Variants in RAB3B observed in about 807,000 individuals in gnomAD.
The protein encoded by RAB3B is RAB3B, member RAS oncogene family.
A neutral mutation model predicts 20.5 loss-of-function variants in RAB3B; 11 were observed. The ratio of observed to expected loss-of-function variants is 0.54; its 90% CI spans 0.34 to 0.89. The LOEUF (loss-of-function observed/expected upper bound fraction) is 0.89. RAB3B is among the 40% of genes least tolerant of loss of function. The pLI, the probability that RAB3B is intolerant of heterozygous loss-of-function variation, is 0.02. For synonymous variants in RAB3B, 99 were observed against 106.3 expected (o/e 0.93, Z 0.42); for missense variants, 225 against 280.9 (o/e 0.80, Z 1.42).
intron 1 of RAB3B, among the ~76,000 whole-genome samples, chr1:51,981,985 T>C (rs1469262332): frequency 6.6e-6 from 1 of 152,178 alleles, no homozygotes; most frequent in Non-Finnish European, 1.5e-5. Context: ...CTTTTTCTAT[T>C]TATATTTAAT....
At position 51,917,282 on chromosome 1, in the gene RAB3B, T is replaced by A. The variant is rs1380799584; in HGVS notation, c.*2645A>T. 1 of 152,110 alleles carries A rather than the reference T, an allele frequency of 6.6e-6. No individual in the cohort carries two copies. Among genetic ancestry groups the A allele is most frequent in the African/African-American group, 2.4e-5 (1 of 41,420 alleles). The allele number at this position is 152,110 out of a possible 1,614,324, so 9.4% of individuals were successfully genotyped here. ...GATGCCAATCCTGATCTCTCAGGTTTGTTTGGTGGATCAACTGAAATGGTG... is the reference window on the plus strand; with the variant it reads ...GATGCCAATCCTGATCTCTCAGGTTAGTTTGGTGGATCAACTGAAATGGTG... On this transcript the variant is annotated 3_prime_UTR_variant, in exon 5 of 5. Transcript: ENST00000371655.
At chr1:51,980,746 C>T (rs1367186661) in intron 1 of RAB3B, 4 of 755,196 alleles carry the variant, frequency 5.3e-6, no homozygotes, top group Non-Finnish European at 9.7e-6. Flanking sequence ...TCATGAAGCC[C>T]GCAAGGACCA....
intron 1 of RAB3B, among the ~76,000 whole-genome samples, chr1:51,989,757 A>G (rs1007511466): frequency 6.6e-5 from 10 of 151,068 alleles, no homozygotes; most frequent in African/African-American, 2.4e-4. Flanking sequence ...GGTAGACCCA[A>G]CCTGGCCTCT....
In RAB3B at chr1:51,911,913, C is replaced by T. The variant is rs1055288438; in HGVS notation, c.*8014G>A. On this transcript the variant is annotated 3_prime_UTR_variant, in exon 5 of 5. Transcript: ENST00000371655. Reference sequence around the variant, plus strand: ...TTTGGGTTAGGGAGTAGTAGTACTACTAAAGAAGAGATTACTATTTCTGGA... The same window carrying T: ...TTTGGGTTAGGGAGTAGTAGTACTATTAAAGAAGAGATTACTATTTCTGGA... 1 of 151,824 alleles carries T rather than the reference C, an allele frequency of 6.6e-6. No homozygotes were observed. Among genetic ancestry groups the T allele is most frequent in the African/African-American group, 2.4e-5 (1 of 41,236 alleles). 9.4% of individuals were successfully genotyped at this position (151,824 alleles called of 1,614,324 possible).
chr1:51,975,106 T>TG (rs1372038478), intron 2 of RAB3B, among the ~76,000 whole-genome samples: 2 of 152,022 alleles, frequency 1.3e-5, no homozygotes, highest in Admixed American at 6.6e-5. Context: ...TGAAGCTACT[T>TG]GGGGGGCTGA....
intron 2 of RAB3B, among the ~76,000 whole-genome samples, chr1:51,968,187 A>G (rs1684882363): frequency 6.6e-6 from 1 of 152,190 alleles, no homozygotes; most frequent in African/African-American, 2.4e-5. Context: ...GACTGAAACC[A>G]GCCAACAAAT....
intron 2 of RAB3B, among the ~76,000 whole-genome samples, chr1:51,947,145 C>G (rs1684575923): frequency 6.6e-6 from 1 of 152,168 alleles, no homozygotes; most frequent in Non-Finnish European, 1.5e-5. Context: ...CCAGTAATCC[C>G]AGCACTTTGG....
chr1:51,935,632 G>A (rs1684388265), intron 3 of RAB3B, among the ~76,000 whole-genome samples: 2 of 152,130 alleles, frequency 1.3e-5, no homozygotes, highest in Admixed American at 1.3e-4. Flanking sequence ...TGTTCCTGAG[G>A]CAGAATGAAC....
At chr1:51,970,006 G>A (rs912706432) in intron 2 of RAB3B, among the ~76,000 whole-genome samples, 1 of 151,556 alleles carries the variant, frequency 6.6e-6, no homozygotes, top group African/African-American at 2.4e-5. Context: ...GGAGGCAGAG[G>A]TTCCAGTGAC....
chr1:51,961,243 T>TC (rs1224833884), intron 2 of RAB3B, among the ~76,000 whole-genome samples: 2 of 151,862 alleles, frequency 1.3e-5, no homozygotes, highest in Non-Finnish European at 2.9e-5. Context: ...CCCATTAGAC[T>TC]CCCCTGTGAA....
At position 51,919,678 on chromosome 1, in the gene RAB3B, A is replaced by G; in HGVS notation, c.*249T>C. 1 of 385,136 alleles carries G rather than the reference A, an allele frequency of 2.6e-6. No homozygotes were observed. Among genetic ancestry groups the G allele is most frequent in the South Asian group, 1.0e-4 (1 of 9,956 alleles). 23.9% of individuals were successfully genotyped at this position (385,136 alleles called of 1,614,324 possible). A position where few individuals can be genotyped will look rare whatever the true frequency, so the allele number is the denominator to read the frequency against. On this transcript the variant is annotated 3_prime_UTR_variant, in exon 5 of 5. Coordinates refer to ENST00000371655, the MANE Select transcript of RAB3B (RefSeq NM_002867.4). ...GTAGTGAATCCCCTTCGTAAAACAGAGTCTTCTTTTGTAAAGTGATTCTGC... is the reference window on the plus strand; with the variant it reads ...GTAGTGAATCCCCTTCGTAAAACAGGGTCTTCTTTTGTAAAGTGATTCTGC...
At position 51,912,989 on chromosome 1, in the gene RAB3B, G is replaced by C. The variant is rs898938782; in HGVS notation, c.*6938C>G. 2 of 152,060 alleles carry C rather than the reference G, an allele frequency of 1.3e-5. No homozygotes were observed. The highest frequency in any genetic ancestry group is 2.4e-5 in the African/African-American group (1 of 41,392). The allele number at this position is 152,060 out of a possible 1,614,324, so 9.4% of individuals were successfully genotyped here. ...TCAAAGACTTGGCATCTAAAGCCTC[G>C]GGACTAGACGAGTACATCAAAGAAG... is the stretch of plus-strand genomic sequence containing the variant. On this transcript the variant is annotated 3_prime_UTR_variant, in exon 5 of 5. Coordinates refer to ENST00000371655, the MANE Select transcript of RAB3B (RefSeq NM_002867.4).
At chr1:51,932,159 C>T (rs1684335939) in intron 4 of RAB3B, among the ~76,000 whole-genome samples, 2 of 152,102 alleles carry the variant, frequency 1.3e-5, no homozygotes, top group African/African-American at 2.4e-5. Context: ...ACTCATAATA[C>T]AAATATATAA....
At chr1:51,956,592 C>T (rs1684709608) in intron 2 of RAB3B, among the ~76,000 whole-genome samples, 1 of 152,210 alleles carries the variant, frequency 6.6e-6, no homozygotes, top group Admixed American at 6.5e-5. Flanking sequence ...CCATAGGCCC[C>T]AAACATTGTG....
rs184495275 is a variant in RAB3B, at chr1:51,912,878, T to C, written c.*7049A>G. 1 of 152,102 alleles carries C rather than the reference T, an allele frequency of 6.6e-6. No individual in the cohort carries two copies. Among genetic ancestry groups the C allele is most frequent in the African/African-American group, 2.4e-5 (1 of 41,486 alleles). 9.4% of individuals were successfully genotyped at this position (152,102 alleles called of 1,614,324 possible). On this transcript the variant is annotated 3_prime_UTR_variant, in exon 5 of 5. Transcript: ENST00000371655. ...TGTGAAGACTGGGGTTCAAACAAGT[T>C]TGGGGGCAGAATCAAGAGTTTCAAT...
intron 2 of RAB3B, among the ~76,000 whole-genome samples, chr1:51,940,404 T>G (rs138906276): frequency 3.3e-5 from 5 of 152,050 alleles, no homozygotes; most frequent in African/African-American, 1.2e-4. Flanking sequence ...AGGTAGATCA[T>G]TTGAAGTCAG....
Position 51,916,817 on chromosome 1 carries a change from G to A in RAB3B, c.*3110C>T, listed in dbSNP as rs1222036204. Reference sequence around the variant, plus strand: ...CCTGAGCATTAGACATCCATCACCTGGGATTAGTCTGAGTAGTTGAGCAAT... The same window carrying A: ...CCTGAGCATTAGACATCCATCACCTAGGATTAGTCTGAGTAGTTGAGCAAT... On this transcript the variant is annotated 3_prime_UTR_variant, in exon 5 of 5. Transcript: ENST00000371655. The A allele has an allele frequency of 3.3e-5, 5 of 152,182 alleles. No homozygotes were observed. The South Asian group carries it at 8.3e-4, about 25-fold the overall frequency. 9.4% of individuals were successfully genotyped at this position (152,182 alleles called of 1,614,324 possible). A position where few individuals can be genotyped will look rare whatever the true frequency, so the allele number is the denominator to read the frequency against.
At chr1:51,923,785 A>G (rs893922990) in intron 4 of RAB3B, among the ~76,000 whole-genome samples, 6 of 151,910 alleles carry the variant, frequency 3.9e-5, no homozygotes, top group Non-Finnish European at 8.8e-5. Context: ...CTGGAATCCC[A>G]GTACTTTGGG....
At chr1:51,957,895 G>A (rs1416472855) in intron 2 of RAB3B, among the ~76,000 whole-genome samples, 1 of 152,162 alleles carries the variant, frequency 6.6e-6, no homozygotes, top group Non-Finnish European at 1.5e-5. Flanking sequence ...TCAATCAGTT[G>A]ACACGGCAAC....
Sources: allele counts gnomAD v4.1 joint callset (sites outside exome capture counted in the v4.1 genomes callset), GRCh38; gene constraint gnomAD v4.1.1; transcripts MANE v1.5; gene names NCBI Gene and HGNC (gene_info 2026-07-23, HGNC 2026-07-21).